DGKG: variants seen among roughly 807,000 people sequenced by gnomAD.
The protein encoded by DGKG is DAG kinase gamma.
DGKG carries 78 observed loss-of-function variants against 105.3 expected under a neutral mutation model. The observed-to-expected ratio is 0.74, with a 90% CI of 0.62 to 0.89. DGKG has a LOEUF of 0.89. DGKG is among the 40% of genes least tolerant of loss of function. The pLI is 0.00. For synonymous variants in DGKG, 346 were observed against 367.1 expected (o/e 0.94, Z 0.66); for missense variants, 958 against 1,020.1 (o/e 0.94, Z 0.83).
chr3:186,319,652 A>G lies in DGKG; in HGVS notation c.67+741T>C, dbSNP rs369646538. On this transcript the variant is annotated intron_variant, in intron 2 of 24. Coordinates refer to ENST00000265022, the MANE Select transcript of DGKG (RefSeq NM_001346.3). ...TAAGTGACGGTCACTCTGTGTGGGC[A>G]GCGTGCAGTGGTCAGGTGGTGTCCT... 7.0e-4 allele frequency among the ~76,000 whole-genome samples: 106 copies of G among 152,316 alleles called. 1 individual carries two copies. Among genetic ancestry groups the G allele is most frequent in the African/African-American group, 2.4e-3 (99 of 41,580 alleles).
chr3:186,200,337 G>T (rs1323534914), intron 21 of DGKG, among the ~76,000 whole-genome samples: 2 of 152,172 alleles, frequency 1.3e-5, no homozygotes, highest in East Asian at 3.8e-4. Flanking sequence ...CACTGATTTT[G>T]TTCCAAGTAT....
At chr3:186,255,345 G>T (rs1443325899) in intron 17 of DGKG, among the ~76,000 whole-genome samples, 1 of 152,234 alleles carries the variant, frequency 6.6e-6, no homozygotes, top group Non-Finnish European at 1.5e-5. Context: ...GGAATCCATG[G>T]AGATAATGCA....
chr3:186,235,214 A>G (rs1049550766), intron 20 of DGKG, among the ~76,000 whole-genome samples: 9 of 152,250 alleles, frequency 5.9e-5, no homozygotes, highest in Non-Finnish European at 1.0e-4. Flanking sequence ...AGCACAAAAC[A>G]TAAGGTTTGT....
chr3:186,292,630 C>T (rs1723361111), intron 5 of DGKG, among the ~76,000 whole-genome samples: 1 of 151,992 alleles, frequency 6.6e-6, no homozygotes, highest in African/African-American at 2.4e-5. Context: ...ACTGTCTCTA[C>T]TAAAAATACA....
rs1719886476 is a variant in DGKG, at chr3:186,226,919, T to C, written c.1827-15034A>G. ...TCTTGAAGTGAGAAGAGCCCCTCTT[T>C]CATTGAAGAGCATTAGAAGATTGGG... On this transcript the variant is annotated intron_variant, in intron 20 of 24. Coordinates refer to ENST00000265022, the MANE Select transcript of DGKG (RefSeq NM_001346.3). This position sits in a 1 kb window ranked among gnomAD's most constrained non-coding sequence, Gnocchi z 4.2. Among the ~76,000 whole-genome samples the C allele has an allele frequency of 6.6e-6, 1 of 152,230 alleles. No homozygotes were observed. Among genetic ancestry groups the C allele is most frequent in the Admixed American group, 6.5e-5 (1 of 15,284 alleles).
rs199878379 is a variant in DGKG at position 186,188,208 on chromosome 3, C to T, written c.2089G>A (p.Val697Ile). ...ATCCTCATTCCTGGCTTACCTTGAA[C>T]GCAGAATTTCAGTTCTTTGGGGTCA... ...VTDPKELKFC[V>I]QDLSDQLLEV... The change falls in exon 22 of 25, where the codon GTT becomes ATT. Residue 697 changes from valine to isoleucine, a missense_variant. This residue lies in a region of DGKG where 315 missense variants were observed against 400.6 expected (regional missense o/e 0.79). Transcript: ENST00000265022. 9.9e-5 allele frequency: 160 copies of T among 1,614,156 alleles called. 1 individual carries two copies. The East Asian group carries it at 1.9e-3, about 20-fold the overall frequency.
intron 22 of DGKG, among the ~76,000 whole-genome samples, chr3:186,179,638 T>C (rs193243217): frequency 3.3e-5 from 5 of 152,326 alleles, no homozygotes; most frequent in Admixed American, 2.6e-4. Context: ...GAGAACCACG[T>C]TGAATGGCCT....
In DGKG at chr3:186,231,056, A is replaced by T. The variant is rs930351820; in HGVS notation, c.1826+11448T>A. Reference sequence around the variant, plus strand: ...AAAGAGAATTCTTTACTTTTAGAGCACATTTTTTCCCTCTCTCATTCTTTC... The same window carrying T: ...AAAGAGAATTCTTTACTTTTAGAGCTCATTTTTTCCCTCTCTCATTCTTTC... On this transcript the variant is annotated intron_variant, in intron 20 of 24. Transcript: ENST00000265022. The surrounding 1 kb of genome is among the most constrained non-coding windows in gnomAD (Gnocchi z 4.5). Among the ~76,000 whole-genome samples, 1 of 152,202 alleles carries T rather than the reference A, an allele frequency of 6.6e-6. No homozygotes were observed. Among genetic ancestry groups the T allele is most frequent in the African/African-American group, 2.4e-5 (1 of 41,440 alleles).
At chr3:186,327,571 A>T (rs926562242) in intron 1 of DGKG, among the ~76,000 whole-genome samples, 3 of 142,884 alleles carry the variant, frequency 2.1e-5, no homozygotes, top group African/African-American at 2.6e-5. Context: ...TGACCTGCTA[A>T]TTTTTTTTTT....
rs1254307886 is a variant in DGKG at position 186,267,693 on chromosome 3, TG to T, written c.1200del (p.Ile401SerfsTer39). 3.1e-6 allele frequency: 5 copies of T among 1,613,784 alleles called. No individual in the cohort carries two copies. The Admixed American group carries it at 8.3e-5, about 27-fold the overall frequency. Reference protein sequence around the residue: ...DHILLPTSICPITRDRPGEKS... With the variant: ...DHILLPTSICXITRDRPGEKS... ...GGGGCAGGAGCACTTACCCGGGTGA[TG>T]GGGCATATGGAGGTGGGCAGTAAGA... On this transcript the variant is annotated frameshift_variant, in exon 13 of 25. Coordinates refer to ENST00000265022, the MANE Select transcript of DGKG (RefSeq NM_001346.3). LOFTEE classifies it high-confidence loss of function.
intron 22 of DGKG, among the ~76,000 whole-genome samples, chr3:186,182,662 A>T (rs554014998): frequency 6.6e-6 from 1 of 152,346 alleles, no homozygotes; most frequent in Admixed American, 6.5e-5. Context: ...CCATGAAATT[A>T]AATTCTCAGC....
intron 19 of DGKG, among the ~76,000 whole-genome samples, chr3:186,245,932 CAA>C (rs56678357): frequency 6.8e-6 from 1 of 147,176 alleles, no homozygotes; most frequent in Non-Finnish European, 1.5e-5. Context: ...ACAACAACAA[CAA>C]AAAAAAACAG....
Position 186,287,949 on chromosome 3 carries a change from T to C in DGKG, c.544+761A>G, listed in dbSNP as rs191327859. Among the ~76,000 whole-genome samples the C allele has an allele frequency of 4.7e-3, 711 of 152,356 alleles. 8 individuals are homozygous for C. Among genetic ancestry groups the C allele is most frequent in the Non-Finnish European group, 5.2e-3 (357 of 68,044 alleles). ...CAAGAGAAGCAAAGACAATACAGAT[T>C]TTTTAACAAGGTCCTGTCATCTCCT... is the stretch of plus-strand genomic sequence containing the variant. On this transcript the variant is annotated intron_variant, in intron 6 of 24. Coordinates refer to ENST00000265022, the MANE Select transcript of DGKG (RefSeq NM_001346.3).
intron 2 of DGKG, among the ~76,000 whole-genome samples, chr3:186,317,015 C>T (rs763119674): frequency 5.3e-5 from 8 of 152,182 alleles, no homozygotes; most frequent in South Asian, 2.1e-4. Flanking sequence ...CATCCAGTCC[C>T]GCGACATGGA....
chr3:186,183,561 C>A (rs1416843150), intron 22 of DGKG, among the ~76,000 whole-genome samples: 1 of 152,076 alleles, frequency 6.6e-6, no homozygotes, highest in African/African-American at 2.4e-5. Flanking sequence ...AGATTAATAA[C>A]AACCAGCCTC....
chr3:186,333,897 A>G (rs944201177), intron 1 of DGKG, among the ~76,000 whole-genome samples: 3 of 152,130 alleles, frequency 2.0e-5, no homozygotes, highest in African/African-American at 7.2e-5. Flanking sequence ...AAACCCCACT[A>G]AAGAGAAAAC....
At chr3:186,345,210 T>C (rs1045299672) in intron 1 of DGKG, among the ~76,000 whole-genome samples, 1 of 152,242 alleles carries the variant, frequency 6.6e-6, no homozygotes, top group African/African-American at 2.4e-5. Context: ...AAATGACTTC[T>C]GCTTTAGTTT....
chr3:186,354,629 C>G (rs1395623443), intron 1 of DGKG, among the ~76,000 whole-genome samples: 2 of 152,190 alleles, frequency 1.3e-5, no homozygotes, highest in African/African-American at 4.8e-5. Flanking sequence ...AAAATGAGAG[C>G]TCTTAAGCTC....
At chr3:186,191,019 A>ATGCCTCTCATC (rs1400314941) in intron 21 of DGKG, among the ~76,000 whole-genome samples, 1 of 152,132 alleles carries the variant, frequency 6.6e-6, no homozygotes, top group Non-Finnish European at 1.5e-5. Context: ...ATAAGGGAAG[A>ATGCCTCTCATC]TGCCTCTCAT....
Sources: gnomAD v4.1 joint callset for allele counts (sites outside exome capture counted in the v4.1 genomes callset) on GRCh38, gnomAD v4.1.1 for gene constraint, gnomAD v4.1.1 regional missense constraint, Gnocchi (gnomAD v3.1) non-coding constraint, MANE v1.5 for transcripts, NCBI Gene and HGNC (gene_info 2026-07-23, HGNC 2026-07-21) for gene names.